The following ADAMTS16 variants were observed in gnomAD, a reference collection of about 807,000 sequenced individuals.
ADAMTS16 encodes the protein A disintegrin and metalloproteinase with thrombospondin motifs 16.
A neutral mutation model predicts 145.8 loss-of-function variants in ADAMTS16; 94 were observed. The ratio of observed to expected loss-of-function variants is 0.64; its 90% CI spans 0.55 to 0.77. The LOEUF is 0.77. ADAMTS16 is among the 30% of genes least tolerant of loss of function. ADAMTS16 has a pLI of 0.00. For missense variants in ADAMTS16, 1,585 were observed against 1,591.5 expected (o/e 1.00, Z 0.07); for synonymous variants, 659 against 604.3 (o/e 1.09, Z -1.33).
At position 5,186,038 on chromosome 5, in the gene ADAMTS16, G is replaced by A. The variant is rs1318639028; in HGVS notation, c.764-14G>A. 2 of 1,604,472 alleles carry A rather than the reference G, an allele frequency of 1.2e-6. No individual in the cohort carries two copies. The highest frequency in any genetic ancestry group is 4.5e-5 in the East Asian group (2 of 44,736). On this transcript the variant is annotated splice_polypyrimidine_tract_variant and intron_variant, in intron 4 of 22. Coordinates refer to ENST00000274181, the MANE Select transcript of ADAMTS16 (RefSeq NM_139056.4). Reference sequence around the variant, plus strand: ...ACTTGTGCTTCCATTTGCCCTCCATGTGTCCCTCCATAGACATGCCCCAGC... The same window carrying A: ...ACTTGTGCTTCCATTTGCCCTCCATATGTCCCTCCATAGACATGCCCCAGC...
chr5:5,226,089 G>A (rs973440367), intron 11 of ADAMTS16, among the ~76,000 whole-genome samples: 3 of 152,094 alleles, frequency 2.0e-5, no homozygotes, highest in Non-Finnish European at 4.4e-5. Context: ...AATGGGAGGC[G>A]GTTTTTGCAC....
intron 18 of ADAMTS16, among the ~76,000 whole-genome samples, chr5:5,295,541 C>T (rs2126497395): frequency 6.6e-6 from 1 of 152,374 alleles, no homozygotes; most frequent in East Asian, 1.9e-4. Flanking sequence ...TGGCACCTCA[C>T]CCACGGGTGC....
In ADAMTS16 at chr5:5,319,169, G is replaced by A. The variant is rs779059785; in HGVS notation, c.*31G>A. 3.1e-5 allele frequency: 47 copies of A among 1,504,320 alleles called. No individual in the cohort carries two copies. The highest frequency in any genetic ancestry group is 2.1e-4 in the Middle Eastern group (1 of 4,730). The allele number at this position is 1,504,320 out of a possible 1,614,324, so 93.2% of individuals were successfully genotyped here. A position where few individuals can be genotyped will look rare whatever the true frequency, so the allele number is the denominator to read the frequency against. On this transcript the variant is annotated 3_prime_UTR_variant, in exon 23 of 23. Transcript: ENST00000274181. ...GACCGCTCTCCGTAGCAGAGAAAGT[G>A]CCTGCGTGGCACAGAAATTTCCCAC...
chr5:5,249,936 C>A (rs543647537), intron 17 of ADAMTS16, among the ~76,000 whole-genome samples: 1 of 152,154 alleles, frequency 6.6e-6, no homozygotes, highest in Non-Finnish European at 1.5e-5. Flanking sequence ...CCCCTGGAGT[C>A]TGGCTGTCCC....
intron 16 of ADAMTS16, among the ~76,000 whole-genome samples, chr5:5,241,706 G>C (rs531708372): frequency 6.6e-6 from 1 of 152,184 alleles, no homozygotes; most frequent in African/African-American, 2.4e-5. Flanking sequence ...GGATGTATCA[G>C]ATTATCACAT....
In ADAMTS16 at chr5:5,319,181, C is replaced by G; in HGVS notation, c.*43C>G. The G allele has an allele frequency of 7.0e-7, 1 of 1,426,088 alleles. No homozygotes were observed. Among genetic ancestry groups the G allele is most frequent in the Non-Finnish European group, 9.7e-7 (1 of 1,026,100 alleles). 88.3% of individuals were successfully genotyped at this position (1,426,088 alleles called of 1,614,324 possible). On this transcript the variant is annotated 3_prime_UTR_variant, in exon 23 of 23. Transcript: ENST00000274181. ...TAGCAGAGAAAGTGCCTGCGTGGCA[C>G]AGAAATTTCCCACAAATGAGCTGTG...
intron 21 of ADAMTS16, among the ~76,000 whole-genome samples, chr5:5,316,581 T>C (rs1734065679): frequency 6.6e-6 from 1 of 152,186 alleles, no homozygotes; most frequent in Non-Finnish European, 1.5e-5. Context: ...TTCTGTGGCA[T>C]GTGCATTATG....
chr5:5,204,747 T>A (rs1165959116), intron 9 of ADAMTS16, among the ~76,000 whole-genome samples: 2 of 152,236 alleles, frequency 1.3e-5, no homozygotes, highest in African/African-American at 4.8e-5. Context: ...GTGAATATTC[T>A]CTTGGTTTGC....
chr5:5,210,109 C>A (rs1362075378), intron 10 of ADAMTS16, among the ~76,000 whole-genome samples: 2 of 152,158 alleles, frequency 1.3e-5, no homozygotes, highest in South Asian at 2.1e-4. Flanking sequence ...CAGACTGGAA[C>A]AAGATCTGTA....
chr5:5,252,135 C>T (rs1430035427), intron 17 of ADAMTS16, among the ~76,000 whole-genome samples: 1 of 152,202 alleles, frequency 6.6e-6, no homozygotes, highest in Non-Finnish European at 1.5e-5. Flanking sequence ...AGGCGTGAGC[C>T]ACCGTGCCTG....
chr5:5,170,636 C>A (rs189747102), intron 3 of ADAMTS16, among the ~76,000 whole-genome samples: 7 of 152,308 alleles, frequency 4.6e-5, no homozygotes, highest in Non-Finnish European at 7.4e-5. Context: ...CCTCAGCCCC[C>A]CAAAGTGCTG....
At chr5:5,175,500 GC>G (rs1201083125) in intron 3 of ADAMTS16, among the ~76,000 whole-genome samples, 2 of 152,108 alleles carry the variant, frequency 1.3e-5, no homozygotes, top group African/African-American at 2.4e-5. Context: ...CACTCCCTTG[GC>G]CACCTTGGCT....
rs566184771 is a variant in ADAMTS16 at position 5,296,546 on chromosome 5, G to A, written c.2790-6722G>A. Among the ~76,000 whole-genome samples the A allele has an allele frequency of 2.6e-5, 4 of 152,276 alleles. No homozygotes were observed. The East Asian group carries it at 7.7e-4, about 29-fold the overall frequency. ...GTCTCGGGGATTTTCTGAAGAGCTG[G>A]ATGTTACATTTCAAAAATCGTGTTT... is the stretch of plus-strand genomic sequence containing the variant. On this transcript the variant is annotated intron_variant, in intron 18 of 22. Transcript: ENST00000274181.
At chr5:5,206,034 C>T (rs1736097103) in intron 9 of ADAMTS16, among the ~76,000 whole-genome samples, 1 of 152,122 alleles carries the variant, frequency 6.6e-6, no homozygotes, top group Non-Finnish European at 1.5e-5. Flanking sequence ...TCCAAGGTCA[C>T]CTAGATTTTC....
intron 3 of ADAMTS16, among the ~76,000 whole-genome samples, chr5:5,151,214 T>A (rs552192572): frequency 4.8e-4 from 66 of 137,986 alleles, no homozygotes; most frequent in African/African-American, 1.5e-3. Context: ...ATTTCTTTTC[T>A]CTTATTTATT....
intron 17 of ADAMTS16, 85 bp from the exon 18 acceptor site, chr5:5,262,572 A>C (rs1738069700): frequency 5.2e-6 from 8 of 1,525,854 alleles, no homozygotes; most frequent in Non-Finnish European, 7.0e-6. Flanking sequence ...AGATTCTTTG[A>C]AAGAGATTTT....
intron 10 of ADAMTS16, among the ~76,000 whole-genome samples, chr5:5,209,706 G>T (rs774324927): frequency 2.0e-4 from 31 of 152,120 alleles, no homozygotes; most frequent in Non-Finnish European, 4.3e-4. Flanking sequence ...CTCATAGAAG[G>T]TAATACCTAC....
At chr5:5,183,373 G>A (rs977111979) in intron 4 of ADAMTS16, among the ~76,000 whole-genome samples, 3 of 152,220 alleles carry the variant, frequency 2.0e-5, no homozygotes, top group East Asian at 1.9e-4. Flanking sequence ...TGCCGTGACC[G>A]GCAGGTCAGG....
At chr5:5,224,283 G>T (rs954072660) in intron 11 of ADAMTS16, among the ~76,000 whole-genome samples, 1 of 145,362 alleles carries the variant, frequency 6.9e-6, no homozygotes, top group Non-Finnish European at 1.5e-5. Flanking sequence ...TAATAGCAAT[G>T]CTTTCAGTTT....
Sources: allele counts gnomAD v4.1 joint callset (sites outside exome capture counted in the v4.1 genomes callset), GRCh38; gene constraint gnomAD v4.1.1; transcripts MANE v1.5; gene names NCBI Gene and HGNC (gene_info 2026-07-23, HGNC 2026-07-21).